The following PCSK5 variants were observed in gnomAD, a reference collection of about 807,000 sequenced individuals.
PCSK5 encodes prohormone convertase 5.
In PCSK5, 129 loss-of-function variants were observed where a neutral mutation model predicts 233.2. The observed-to-expected ratio is 0.55, with a 90% confidence interval of 0.48 to 0.64. The LOEUF is 0.64. Ranked by LOEUF, PCSK5 falls within the 30% of genes least tolerant of loss-of-function variation. PCSK5 has a pLI of 0.00. For missense variants in PCSK5, 2,076 were observed against 2,430.1 expected, an observed-to-expected ratio of 0.85 and a Z score of 3.06; for synonymous variants, 825 against 879.2, an observed-to-expected ratio of 0.94 and a Z score of 1.09.
chr9:76,254,782 C>G (rs1826925361), intron 24 of PCSK5, among the ~76,000 whole-genome samples: 1 of 152,222 alleles, frequency 6.6e-6, no homozygotes, highest in African/African-American at 2.4e-5. Flanking sequence ...ATTTCCTGAG[C>G]ATCTACATCA....
At chr9:76,162,219 G>T (rs768195298) in intron 12 of PCSK5, among the ~76,000 whole-genome samples, 1 of 152,140 alleles carries the variant, frequency 6.6e-6, no homozygotes, top group South Asian at 2.1e-4. Context: ...TGGCTCCCCC[G>T]TTCCTGCTGT....
At chr9:76,113,917 A>G (rs1832324137) in intron 9 of PCSK5, among the ~76,000 whole-genome samples, 1 of 152,150 alleles carries the variant, frequency 6.6e-6, no homozygotes, top group Non-Finnish European at 1.5e-5. Flanking sequence ...GGGCATACCA[A>G]GCTTTTCCTT....
intron 33 of PCSK5, among the ~76,000 whole-genome samples, chr9:76,330,657 G>A (rs1447914387): frequency 2.0e-5 from 3 of 152,084 alleles, no homozygotes; most frequent in African/African-American, 7.2e-5. Context: ...TTAAAGACAT[G>A]CATGGCAAGC....
At chr9:76,186,284 A>G (rs535096790) in intron 17 of PCSK5, among the ~76,000 whole-genome samples, 1 of 152,226 alleles carries the variant, frequency 6.6e-6, no homozygotes, top group Non-Finnish European at 1.5e-5. Flanking sequence ...TAGGTTTCAC[A>G]GTTGAAAAAG....
At chr9:76,096,188 TATACACACACACAC>T in intron 8 of PCSK5, 86 bp downstream of exon 8, 2 of 658,380 alleles carry the variant, frequency 3.0e-6, no homozygotes, top group Non-Finnish European at 5.3e-6. Flanking sequence ...CATATATATA[TATACACACACACAC>T]ACACACACAC....
intron 1 of PCSK5, among the ~76,000 whole-genome samples, chr9:75,906,614 T>A (rs1157090040): frequency 6.6e-6 from 1 of 152,132 alleles, no homozygotes; most frequent in Non-Finnish European, 1.5e-5. Flanking sequence ...TGCAAAGGCC[T>A]CTGAGGAAGA....
At chr9:76,303,557 T>C (rs1318638812) in intron 28 of PCSK5, among the ~76,000 whole-genome samples, 1 of 152,190 alleles carries the variant, frequency 6.6e-6, no homozygotes, top group African/African-American at 2.4e-5. Context: ...ACATAGAACA[T>C]TGAAGATTTG....
rs1823046119 is a variant in PCSK5, at chr9:76,137,872, T to G, written c.1312+3660T>G. Among the ~76,000 whole-genome samples the G allele has an allele frequency of 7.3e-5, 10 of 136,666 alleles. No homozygotes were observed. In the South Asian group the frequency reaches 2.3e-3, roughly 32 times the overall value. The allele number at this position is 136,666 out of a possible 152,430, so 89.7% of individuals were successfully genotyped here. A position where few individuals can be genotyped will look rare whatever the true frequency, so the allele number is the denominator to read the frequency against. ...TCAGCTGTTTGGGGTTTTGTTAGTA[T>G]TATTTCTTTCCTCCCCTTGATCCCT... On this transcript the variant is annotated intron_variant, in intron 10 of 37. Transcript: ENST00000674117.
At chr9:75,999,632 G>A (rs576105457) in intron 3 of PCSK5, among the ~76,000 whole-genome samples, 1 of 152,238 alleles carries the variant, frequency 6.6e-6, no homozygotes, top group Admixed American at 6.5e-5. Context: ...TCCGCCCTGG[G>A]TGGCCCAGGT....
chr9:75,956,443 C>A (rs1336370849), intron 2 of PCSK5, among the ~76,000 whole-genome samples: 2 of 152,210 alleles, frequency 1.3e-5, no homozygotes, highest in Admixed American at 6.5e-5. Context: ...GATTCCAAAG[C>A]CCATACCTAC....
At chr9:76,131,593 A>C (rs557837989) in intron 9 of PCSK5, among the ~76,000 whole-genome samples, 1 of 152,256 alleles carries the variant, frequency 6.6e-6, no homozygotes, top group East Asian at 1.9e-4. Flanking sequence ...TTATTTCTTC[A>C]GTCTGAGTTT....
At chr9:76,028,325 A>T (rs569886729) in intron 5 of PCSK5, among the ~76,000 whole-genome samples, 3 of 152,340 alleles carry the variant, frequency 2.0e-5, no homozygotes, top group Admixed American at 1.3e-4. Context: ...ATGGAGAAAG[A>T]GTAATTCACA....
chr9:76,152,586 T>C (rs1416027375), intron 10 of PCSK5, among the ~76,000 whole-genome samples: 1 of 152,190 alleles, frequency 6.6e-6, no homozygotes, highest in Non-Finnish European at 1.5e-5. Flanking sequence ...AACCAGTCAA[T>C]TCCTTATAGA....
At chr9:76,325,654 A>C (rs1829339212) in intron 32 of PCSK5, among the ~76,000 whole-genome samples, 1 of 129,414 alleles carries the variant, frequency 7.7e-6, no homozygotes, top group African/African-American at 3.2e-5. Flanking sequence ...CTTTTTTTTG[A>C]GACGGAGTTT....
intron 2 of PCSK5, among the ~76,000 whole-genome samples, chr9:75,932,727 A>T (rs1179850363): frequency 6.6e-6 from 1 of 152,166 alleles, no homozygotes; most frequent in East Asian, 1.9e-4. Context: ...ATGGGTTCTC[A>T]TGGAGAGGTG....
At chr9:75,936,736 T>C (rs7034289) in intron 2 of PCSK5, among the ~76,000 whole-genome samples, 40,090 of 152,144 alleles carry the variant, frequency 0.26, 5,535 homozygotes, top group East Asian at 0.47. Context: ...ATCAAACTCC[T>C]GTTAATATTG....
chr9:75,967,595 A>G (rs1175934514), intron 2 of PCSK5, among the ~76,000 whole-genome samples: 2 of 152,208 alleles, frequency 1.3e-5, no homozygotes, highest in Non-Finnish European at 2.9e-5. Context: ...GGCCCATTTC[A>G]TACAATGCAG....
rs376235287 is a variant in PCSK5, at chr9:76,022,350, C to T, written c.412-1388C>T. Among the ~76,000 whole-genome samples, 5 of 152,212 alleles carry T rather than the reference C, an allele frequency of 3.3e-5. No individual in the cohort carries two copies. In the East Asian group the frequency reaches 5.8e-4, roughly 18 times the overall value. On this transcript the variant is annotated intron_variant, in intron 3 of 37. Transcript: ENST00000674117. Reference sequence around the variant, plus strand: ...CTTAATTATAGTAGGTACTCAATGACGTGTGTGTTAAGTGAATCCATGGCA... The same window carrying T: ...CTTAATTATAGTAGGTACTCAATGATGTGTGTGTTAAGTGAATCCATGGCA...
At chr9:76,101,569 G>T (rs548220622) in intron 8 of PCSK5, among the ~76,000 whole-genome samples, 6 of 152,112 alleles carry the variant, frequency 3.9e-5, no homozygotes, top group Admixed American at 3.3e-4. Flanking sequence ...TTGGGACTTT[G>T]TTCAGACTTT....
Sources: gnomAD v4.1 joint callset for allele counts (sites outside exome capture counted in the v4.1 genomes callset) on GRCh38, gnomAD v4.1.1 for gene constraint, MANE v1.5 for transcripts, NCBI Gene and HGNC (gene_info 2026-07-23, HGNC 2026-07-21) for gene names.